The following MAP2K2 variants were observed in gnomAD, a reference collection of about 807,000 sequenced individuals.
The protein encoded by MAP2K2 is mitogen-activated protein kinase kinase 2.
MAP2K2 carries 24 observed loss-of-function variants against 43.7 expected under a neutral mutation model. The ratio of observed to expected loss-of-function variants is 0.55; its 90% CI spans 0.40 to 0.77. The LOEUF (loss-of-function observed/expected upper bound fraction) is 0.77. Among genes scored for constraint, MAP2K2 ranks in the 30% least tolerant of loss-of-function variants. The probability of loss-of-function intolerance (pLI) is 0.00; values close to 1 mark genes in which losing one functional copy is unlikely to be tolerated. For missense variants in MAP2K2, 470 were observed against 566.8 expected, an observed-to-expected ratio of 0.83 and a Z score of 1.73; for synonymous variants, 244 against 239.7, an observed-to-expected ratio of 1.02 and a Z score of -0.17.
intron 10 of MAP2K2, 49 bp from the exon 11 acceptor site, chr19:4,090,757 G>T: frequency 1.6e-6 from 2 of 1,282,464 alleles, no homozygotes; most frequent in Non-Finnish European, 2.2e-6. Context: ...GTCACAGTAG[G>T]ACGGGGAGGG....
At chr19:4,117,165 T>C (rs2041231262) in intron 2 of MAP2K2, among the ~76,000 whole-genome samples, 5 of 152,152 alleles carry the variant, frequency 3.3e-5, no homozygotes. Context: ...TCTGGGAATA[T>C]GGATTTCAAG....
intron 8 of MAP2K2, among the ~76,000 whole-genome samples, chr19:4,096,482 C>G (rs2040919451): frequency 1.3e-5 from 2 of 152,210 alleles, no homozygotes; most frequent in Admixed American, 1.3e-4. Flanking sequence ...TCCTGTGCCT[C>G]CCTGACAGCT....
At chr19:4,095,546 A>G (rs1599282575) in intron 8 of MAP2K2, 97 bp from the exon 9 acceptor site, 1 of 1,031,682 alleles carries the variant, frequency 9.7e-7, no homozygotes, top group Non-Finnish European at 1.5e-6. Context: ...CCGGTCACCC[A>G]CCCTGCAGGC....
chr19:4,117,076 C>T (rs2041230234), intron 2 of MAP2K2, among the ~76,000 whole-genome samples: 1 of 152,240 alleles, frequency 6.6e-6, no homozygotes, highest in Non-Finnish European at 1.5e-5. Flanking sequence ...CGCAAACACA[C>T]ACACGCTTCG....
chr19:4,103,585 C>T (rs2041046559), intron 3 of MAP2K2: 1 of 149,640 alleles, frequency 6.7e-6, no homozygotes, highest in South Asian at 2.1e-4. Flanking sequence ...CACCATGCTG[C>T]TCCAGGACTC....
rs2041208788 is a variant in MAP2K2 at position 4,115,471 on chromosome 19, C to T, written c.303+1948G>A. The stretch of plus-strand genomic sequence containing the variant: ...GCACACACGAGGACTGGCACTGTCT[C>T]AAGGCCCTGCTGTGGCTGTGTGAAC... On this transcript the variant is annotated intron_variant, in intron 2 of 10. Transcript: ENST00000262948. The surrounding 1 kb of genome is among the most constrained non-coding windows in gnomAD (Gnocchi z 4.1). Among the ~76,000 whole-genome samples the T allele has an allele frequency of 6.6e-6, 1 of 152,268 alleles. No individual in the cohort carries two copies. Among genetic ancestry groups the T allele is most frequent in the Non-Finnish European group, 1.5e-5 (1 of 68,040 alleles).
At chr19:4,113,254 G>C (rs558246016) in intron 2 of MAP2K2, among the ~76,000 whole-genome samples, 3 of 152,318 alleles carry the variant, frequency 2.0e-5, no homozygotes, top group East Asian at 1.9e-4. Context: ...CTTCTGGAAG[G>C]CTGTAGTAAA....
intron 10 of MAP2K2, 130 bp downstream of exon 10, chr19:4,094,323 A>T: frequency 1.0e-6 from 1 of 992,844 alleles, no homozygotes; most frequent in Non-Finnish European, 1.5e-6. Context: ...GGCCTGGCAC[A>T]CCCGGCCTGC....
In MAP2K2 at chr19:4,105,155, CGTGTGTGTGTGTGTGTGTGTGT is replaced by C. The variant is rs61710801; in HGVS notation, c.451-2724_451-2703del. ...TCTGTGCATGACCATACACGTCTAC[CGTGTGTGTGTGTGTGTGTGTGT>C]GTGTGTGTGTGTGTGTGTGTGTGTG... is the stretch of plus-strand genomic sequence containing the variant. On this transcript the variant is annotated intron_variant, in intron 3 of 10. Coordinates refer to ENST00000262948, the MANE Select transcript of MAP2K2 (RefSeq NM_030662.4). Among the ~76,000 whole-genome samples the C allele has an allele frequency of 3.3e-3, 455 of 137,756 alleles. 1 individual carries two copies. The highest frequency in any genetic ancestry group is 0.013 in the African/African-American group (425 of 33,934). The allele number at this position is 137,756 out of a possible 152,430, so 90.4% of individuals were successfully genotyped here. A position where few individuals can be genotyped will look rare whatever the true frequency, so the allele number is the denominator to read the frequency against.
At chr19:4,114,550 A>G (rs1039243815) in intron 2 of MAP2K2, among the ~76,000 whole-genome samples, 2 of 152,234 alleles carry the variant, frequency 1.3e-5, no homozygotes, top group Admixed American at 1.3e-4. Flanking sequence ...CAAGTTCTTC[A>G]CCTATCTCCC....
chr19:4,098,174 C>T (rs967948025), intron 7 of MAP2K2, among the ~76,000 whole-genome samples: 9 of 152,182 alleles, frequency 5.9e-5, no homozygotes, highest in South Asian at 2.1e-4. Flanking sequence ...GAGGACACTG[C>T]GCTCCAGGAG....
intron 8 of MAP2K2, among the ~76,000 whole-genome samples, chr19:4,096,168 G>A (rs911738702): frequency 1.3e-5 from 2 of 152,228 alleles, no homozygotes; most frequent in African/African-American, 4.8e-5. Context: ...GTGCCAGCAG[G>A]GCAGGGGCAG....
chr19:4,101,120 C>A lies in MAP2K2; in HGVS notation c.604G>T (p.Val202Leu), dbSNP rs769471250. ...AGCTTGATCTCCCCTCTAGAGTTCA[C>A]GAGGATGTTGGAGGGCTTCACATCT... is the stretch of plus-strand genomic sequence containing the variant. ...HRDVKPSNIL[V>L]NSRGEIKLCD... Residue 202 changes from valine to leucine, a missense_variant, in exon 6 of 11, where the codon GTG (valine) becomes TTG (leucine). Physicochemically the swap from Val to Leu is conservative, Grantham distance 32 (BLOSUM62 1). Coordinates refer to ENST00000262948, the MANE Select transcript of MAP2K2 (RefSeq NM_030662.4). The surrounding 1 kb of genome is among the most constrained non-coding windows in gnomAD (Gnocchi z 6.3). 3 of 1,605,710 alleles carry A rather than the reference C, an allele frequency of 1.9e-6. No individual in the cohort carries two copies. Among genetic ancestry groups the A allele is most frequent in the African/African-American group, 1.3e-5 (1 of 74,602 alleles).
chr19:4,093,401 A>T (rs1250341164), intron 10 of MAP2K2, among the ~76,000 whole-genome samples: 1 of 151,336 alleles, frequency 6.6e-6, no homozygotes, highest in African/African-American at 2.4e-5. Flanking sequence ...TATCTCAAAA[A>T]TTTTTTTGAC....
chr19:4,097,792 C>T (rs1213487505), intron 7 of MAP2K2, among the ~76,000 whole-genome samples: 2 of 152,054 alleles, frequency 1.3e-5, no homozygotes, highest in African/African-American at 4.8e-5. Context: ...TGGCTGACCC[C>T]TGTCTGAGAA....
At chr19:4,103,043 G>A (rs1344362074) in intron 3 of MAP2K2, 42 of 1,038,100 alleles carry the variant, frequency 4.0e-5, no homozygotes, top group South Asian at 1.1e-4. Context: ...TCTGCCCTGC[G>A]CCTGTCCCTG....
At chr19:4,095,195 A>G in intron 9 of MAP2K2, 193 bp downstream of exon 9, 1 of 587,416 alleles carries the variant, frequency 1.7e-6, no homozygotes, top group South Asian at 1.9e-5. Context: ...CACGGACAGG[A>G]TGGCATGGCA....
At chr19:4,117,662 C>A (rs2145081088) in intron 1 of MAP2K2, 33 bp from the exon 2 acceptor site, 1 of 1,598,444 alleles carries the variant, frequency 6.3e-7, no homozygotes, top group East Asian at 2.2e-5. Context: ...GGGTTAGCTA[C>A]CTAGGGAGAC....
intron 10 of MAP2K2, 90 bp from the exon 11 acceptor site, chr19:4,090,798 C>T (rs1188347891): frequency 2.8e-5 from 25 of 879,714 alleles, no homozygotes; most frequent in Admixed American, 1.2e-4. Flanking sequence ...GCAGATGGTA[C>T]GGGACAGAAA....
Sources: gnomAD v4.1 joint callset for allele counts (sites outside exome capture counted in the v4.1 genomes callset) on GRCh38, gnomAD v4.1.1 for gene constraint, Gnocchi (gnomAD v3.1) non-coding constraint, MANE v1.5 for transcripts, NCBI Gene and HGNC (gene_info 2026-07-23, HGNC 2026-07-21) for gene names.